The following CASP4 variants were observed in gnomAD, a reference collection of about 807,000 sequenced individuals.
CASP4 encodes the protein caspase-4.
CASP4 carries 29 observed loss-of-function variants against 41.3 expected under a neutral mutation model. That is an observed-to-expected ratio of 0.70 (90% CI 0.52 to 0.96). CASP4 has a LOEUF of 0.96. CASP4 is among the 40% of genes least tolerant of loss of function. The pLI is 0.00. For missense variants in CASP4, 447 were observed against 460.6 expected, an observed-to-expected ratio of 0.97 and a Z score of 0.27; for synonymous variants, 185 against 158.4, an observed-to-expected ratio of 1.17 and a Z score of -1.26.
At chr11:104,957,808 A>G (rs1860769088) in intron 1 of CASP4, among the ~76,000 whole-genome samples, 1 of 152,148 alleles carries the variant, frequency 6.6e-6, no homozygotes, top group Non-Finnish European at 1.5e-5. Flanking sequence ...ATCACACACA[A>G]AAAAACAAAC....
chr11:104,946,863 T>C (rs927555888), intron 7 of CASP4: 3 of 363,306 alleles, frequency 8.3e-6, no homozygotes, highest in Non-Finnish European at 1.5e-5. Context: ...CTCCATAACA[T>C]AAAGCTTATG....
At chr11:104,958,960 CAAAAAAAAA>C (rs56678254) in intron 1 of CASP4, among the ~76,000 whole-genome samples, 7 of 62,464 alleles carry the variant, frequency 1.1e-4, no homozygotes, top group South Asian at 8.1e-4. Flanking sequence ...GACTCTGTCT[CAAAAAAAAA>C]AAAAAAAAAA....
intron 1 of CASP4, among the ~76,000 whole-genome samples, chr11:104,957,518 GCTATAATTGTGACA>G (rs144217118): frequency 0.014 from 2,153 of 152,172 alleles, 53 homozygotes; most frequent in African/African-American, 0.044. Context: ...ATTATAGTGA[GCTATAATTGTGACA>G]CTATACTCCA....
At chr11:104,947,556 A>G (rs1325411966) in intron 6 of CASP4, 2 of 155,654 alleles carry the variant, frequency 1.3e-5, no homozygotes, top group Non-Finnish European at 2.8e-5. Flanking sequence ...AAGCACAGAA[A>G]GATGAAGGAA....
intron 1 of CASP4, among the ~76,000 whole-genome samples, chr11:104,968,113 G>T (rs1458262506): frequency 6.6e-6 from 1 of 152,010 alleles, no homozygotes; most frequent in African/African-American, 2.4e-5. Flanking sequence ...AAGAGATGTC[G>T]AAGAAGATAA....
intron 1 of CASP4, among the ~76,000 whole-genome samples, chr11:104,964,401 A>G (rs1020873829): frequency 2.0e-5 from 3 of 152,218 alleles, no homozygotes; most frequent in African/African-American, 7.2e-5. Context: ...AGTAGGTAAA[A>G]TACACTCCTG....
At chr11:104,950,858 G>C in intron 4 of CASP4, 67 bp downstream of exon 4, 1 of 1,446,938 alleles carries the variant, frequency 6.9e-7, no homozygotes, top group South Asian at 1.3e-5. Context: ...GCTCTTTGAA[G>C]CTAGGTAGTT....
At position 104,948,593 on chromosome 11, in the gene CASP4, C is replaced by G; in HGVS notation, c.865G>C (p.Asp289His). 1 of 1,611,760 alleles carries G rather than the reference C, an allele frequency of 6.2e-7. No individual in the cohort carries two copies. The highest frequency in any genetic ancestry group is 8.5e-7 in the Non-Finnish European group (1 of 1,178,610). Residue 289 changes from aspartate to histidine, a missense_variant, in exon 6 of 9, where the codon GAT becomes CAT. By Grantham distance (81) the Asp-to-His change is moderately conservative. Coordinates refer to ENST00000444739, the MANE Select transcript of CASP4 (RefSeq NM_001225.4). ...TCCACGTGGGTCTTGTAAACAGCAT[C>G]TTCCTCTAGGTTCTCAGATGACTGT... ...SSQSSENLEE[D>H]AVYKTHVEKD...
chr11:104,948,321 C>T, intron 6 of CASP4: 1 of 371,738 alleles, frequency 2.7e-6, no homozygotes, highest in Non-Finnish European at 4.8e-6. Context: ...CAGAATTCAT[C>T]ATCTGTTTAA....
In CASP4 at chr11:104,950,822, A is replaced by ACACACACC. The variant is rs112827503; in HGVS notation, c.546+102_546+103insGGTGTGTG. The ACACACACC allele has an allele frequency of 1.8e-3, 1,825 of 1,022,322 alleles. 1 individual carries two copies. Among genetic ancestry groups the ACACACACC allele is most frequent in the Non-Finnish European group, 1.6e-3 (1,082 of 691,526 alleles). 63.3% of individuals were successfully genotyped at this position (1,022,322 alleles called of 1,614,324 possible). A position where few individuals can be genotyped will look rare whatever the true frequency, so the allele number is the denominator to read the frequency against. ...TACACACACACACACACACACACACACCCAAAGGTTGTTAAACCTTGTTGA... is the reference window on the plus strand; with the variant it reads ...TACACACACACACACACACACACACACACACACCCCCAAAGGTTGTTAAACCTTGTTGA... On this transcript the variant is annotated intron_variant, in intron 4 of 8. Coordinates refer to ENST00000444739, the MANE Select transcript of CASP4 (RefSeq NM_001225.4).
intron 8 of CASP4, chr11:104,943,239 A>G (rs929561128): frequency 1.4e-5 from 4 of 279,980 alleles, no homozygotes; most frequent in Middle Eastern, 1.2e-3. Context: ...GTGATAACAT[A>G]GAACCACGCG....
intron 1 of CASP4, among the ~76,000 whole-genome samples, chr11:104,962,978 C>G (rs1191932762): frequency 1.3e-5 from 2 of 152,124 alleles, no homozygotes; most frequent in African/African-American, 2.4e-5. Flanking sequence ...AATTCTAAAT[C>G]TTGTAAAAAG....
At chr11:104,968,183 T>C (rs1444982193) in intron 1 of CASP4, among the ~76,000 whole-genome samples, 1 of 152,196 alleles carries the variant, frequency 6.6e-6, no homozygotes, top group Non-Finnish European at 1.5e-5. Context: ...GGCAATTAAT[T>C]TGGAATCAAA....
chr11:104,955,095 G>A (rs1860708128), intron 1 of CASP4, 94 bp from the exon 2 acceptor site: 2 of 1,212,774 alleles, frequency 1.6e-6, no homozygotes, highest in African/African-American at 3.0e-5. Flanking sequence ...AAATACTTCT[G>A]AAAGTATGTC....
At chr11:104,961,412 G>A (rs1860855930) in intron 1 of CASP4, among the ~76,000 whole-genome samples, 1 of 152,160 alleles carries the variant, frequency 6.6e-6, no homozygotes, top group Non-Finnish European at 1.5e-5. Flanking sequence ...ATTGCAGGGT[G>A]TTAGGATTGG....
At chr11:104,961,860 G>A (rs1027197168) in intron 1 of CASP4, among the ~76,000 whole-genome samples, 6 of 152,142 alleles carry the variant, frequency 3.9e-5, no homozygotes, top group African/African-American at 1.2e-4. Context: ...GATGAGCCCT[G>A]GAGAAAGTTC....
intron 2 of CASP4, among the ~76,000 whole-genome samples, chr11:104,953,733 G>A (rs1860670146): frequency 6.6e-6 from 1 of 151,938 alleles, no homozygotes; most frequent in South Asian, 2.1e-4. Context: ...ATACTTCATG[G>A]CTCAAGATTT....
chr11:104,951,628 C>A, intron 3 of CASP4: 1 of 481,138 alleles, frequency 2.1e-6, no homozygotes. Flanking sequence ...CTACAATTGC[C>A]ATAAAATCCA....
intron 5 of CASP4, chr11:104,948,930 T>G (rs2134637018): frequency 3.5e-6 from 1 of 287,218 alleles, no homozygotes; most frequent in African/African-American, 2.2e-5. Context: ...AAATCTGTTT[T>G]CTTTTGAAAA....
Sources: allele counts gnomAD v4.1 joint callset (sites outside exome capture counted in the v4.1 genomes callset), GRCh38; gene constraint gnomAD v4.1.1; transcripts MANE v1.5; gene names NCBI Gene and HGNC (gene_info 2026-07-23, HGNC 2026-07-21).